KIF13A: variants seen among roughly 807,000 people sequenced by gnomAD.
KIF13A encodes the protein kinesin-like protein KIF13A.
In KIF13A, 79 loss-of-function variants were observed where a neutral mutation model predicts 212.2. The observed-to-expected ratio is 0.37, with a 90% confidence interval of 0.31 to 0.45. The LOEUF is 0.45. KIF13A is among the 20% of genes least tolerant of loss of function. The pLI, the probability that KIF13A is intolerant of heterozygous loss-of-function variation, is 1.00. For synonymous variants in KIF13A, 789 were observed against 808.6 expected, an observed-to-expected ratio of 0.98 and a Z score of 0.41; for missense variants, 1,901 against 2,209.0, an observed-to-expected ratio of 0.86 and a Z score of 2.79.
At position 17,912,774 on chromosome 6, in the gene KIF13A, G is replaced by T. The variant is rs1774187598; in HGVS notation, c.147-14594C>A. ...AATGATTTGGAAGCACTGAGAAAAG[G>T]TTACTTGTTTCTCATGGTATCCTCC... On this transcript the variant is annotated intron_variant, in intron 2 of 38. Transcript: ENST00000259711. The surrounding 1 kb of genome is among the most constrained non-coding windows in gnomAD (Gnocchi z 4.2). Among the ~76,000 whole-genome samples the T allele has an allele frequency of 6.6e-6, 1 of 152,122 alleles. No homozygotes were observed. The highest frequency in any genetic ancestry group is 2.1e-4 in the South Asian group (1 of 4,826).
intron 32 of KIF13A, among the ~76,000 whole-genome samples, chr6:17,779,372 A>G (rs1373379267): frequency 6.7e-6 from 1 of 149,058 alleles, no homozygotes; most frequent in Non-Finnish European, 1.5e-5. Context: ...CCCAGGTTCA[A>G]GCGATTCTCC....
At chr6:17,958,358 T>C (rs560120234) in intron 2 of KIF13A, among the ~76,000 whole-genome samples, 7 of 152,226 alleles carry the variant, frequency 4.6e-5, no homozygotes, top group Non-Finnish European at 1.0e-4. Context: ...TTCCTCCCAA[T>C]TGCTTTTTAA....
chr6:17,772,988 A>G lies in KIF13A; in HGVS notation c.4324+490T>C, dbSNP rs1759630649. On this transcript the variant is annotated intron_variant, in intron 36 of 38. Coordinates refer to ENST00000259711, the MANE Select transcript of KIF13A (RefSeq NM_022113.6). The surrounding 1 kb of genome is among the most constrained non-coding windows in gnomAD (Gnocchi z 4.8). ...GTATAAGGTAACAGAACCGATATAT[A>G]TGGCCAAAGAATACTGTTCCCATTA... Among the ~76,000 whole-genome samples the G allele has an allele frequency of 6.6e-6, 1 of 152,208 alleles. No homozygotes were observed.
intron 38 of KIF13A, among the ~76,000 whole-genome samples, chr6:17,766,796 A>G (rs1413576591): frequency 6.6e-6 from 1 of 152,152 alleles, no homozygotes; most frequent in Non-Finnish European, 1.5e-5. Context: ...CTTGTTCACA[A>G]ATGAACATAA....
chr6:17,767,510 C>G (rs1281626700), intron 38 of KIF13A, among the ~76,000 whole-genome samples: 1 of 152,192 alleles, frequency 6.6e-6, no homozygotes, highest in East Asian at 1.9e-4. Flanking sequence ...CCGTCTCGGG[C>G]TTCTAAAGTG....
At position 17,933,970 on chromosome 6, in the gene KIF13A, A is replaced by G. The variant is rs552384536; in HGVS notation, c.147-35790T>C. Among the ~76,000 whole-genome samples, 4 of 152,344 alleles carry G rather than the reference A, an allele frequency of 2.6e-5. No individual in the cohort carries two copies. The East Asian group carries it at 7.7e-4, about 29-fold the overall frequency. The stretch of plus-strand genomic sequence containing the variant: ...CTTTTATCTTATTACAATGCAATGT[A>G]ACTATGGAAACATAGGATTTCAAGT... On this transcript the variant is annotated intron_variant, in intron 2 of 38. Transcript: ENST00000259711.
intron 2 of KIF13A, among the ~76,000 whole-genome samples, chr6:17,922,642 T>C (rs1318554540): frequency 2.0e-5 from 3 of 150,856 alleles, no homozygotes; most frequent in Non-Finnish European, 4.4e-5. Context: ...ATGATAACCA[T>C]AAAAATCAGG....
intron 9 of KIF13A, among the ~76,000 whole-genome samples, chr6:17,844,098 G>A (rs1468970230): frequency 6.6e-6 from 1 of 151,652 alleles, no homozygotes; most frequent in East Asian, 1.9e-4. Context: ...TTGAAAGATT[G>A]ATGAAATAAG....
chr6:17,778,871 G>A (rs1198162537), intron 33 of KIF13A, 76 bp downstream of exon 33: 4 of 1,491,014 alleles, frequency 2.7e-6, no homozygotes, highest in South Asian at 1.2e-5. Flanking sequence ...GAGGTGTTTG[G>A]TAAGTAAATT....
chr6:17,940,830 T>TTA (rs1207498037), intron 2 of KIF13A, among the ~76,000 whole-genome samples: 8 of 150,680 alleles, frequency 5.3e-5, no homozygotes, highest in African/African-American at 2.0e-4. Context: ...TTTTTTTTTT[T>TTA]TTTTTTTTTT....
chr6:17,773,469 C>G lies in KIF13A; in HGVS notation c.4324+9G>C. ...AAGAAATATCACTGCAAAATAATCT[C>G]ACCACTACCTTCTTTATTCCTTCGA... On this transcript the variant is annotated intron_variant, in intron 36 of 38. Coordinates refer to ENST00000259711, the MANE Select transcript of KIF13A (RefSeq NM_022113.6). The surrounding 1 kb of genome is among the most constrained non-coding windows in gnomAD (Gnocchi z 4.2). The G allele has an allele frequency of 6.7e-7, 1 of 1,494,708 alleles. No homozygotes were observed. The highest frequency in any genetic ancestry group is 9.3e-7 in the Non-Finnish European group (1 of 1,074,206). 92.6% of individuals were successfully genotyped at this position (1,494,708 alleles called of 1,614,324 possible).
chr6:17,833,953 C>G lies in KIF13A; in HGVS notation c.1266+8G>C. ...TCCCAATATTTTAGGGCTAAATTAT[C>G]AAGCTACCTGTGCTATCTCTTCTGT... On this transcript the variant is annotated splice_region_variant and intron_variant, in intron 12 of 38. Transcript: ENST00000259711. 1 of 1,448,958 alleles carries G rather than the reference C, an allele frequency of 6.9e-7. No individual in the cohort carries two copies. The highest frequency in any genetic ancestry group is 1.3e-5 in the South Asian group (1 of 79,156). The allele number at this position is 1,448,958 out of a possible 1,614,324, so 89.8% of individuals were successfully genotyped here.
At chr6:17,962,984 T>C (rs1778974080) in intron 2 of KIF13A, among the ~76,000 whole-genome samples, 1 of 152,204 alleles carries the variant, frequency 6.6e-6, no homozygotes, top group Non-Finnish European at 1.5e-5. Flanking sequence ...CCTCCCCCAC[T>C]ACACTGTAAA....
At position 17,826,086 on chromosome 6, in the gene KIF13A, T is replaced by C. The variant is rs1174973931; in HGVS notation, c.1571A>G (p.Gln524Arg). The change falls in exon 15 of 39, where the codon CAG (glutamine) becomes CGG (arginine). Residue 524 changes from glutamine (Q) to arginine (R), a missense_variant. Transcript: ENST00000259711. This position sits in a 1 kb window ranked among gnomAD's most constrained non-coding sequence, Gnocchi z 4.7. ...TAGGATTCGGTCACCATGCCACAGC[T>C]GGGTGGTACTGCACACAAGGGTGCC... ...VNGTLVCSTTQLWHGDRILWG... is the reference protein window; with the variant it reads ...VNGTLVCSTTRLWHGDRILWG... 5 of 1,613,878 alleles carry C rather than the reference T, an allele frequency of 3.1e-6. No homozygotes were observed. Among genetic ancestry groups the C allele is most frequent in the Non-Finnish European group, 3.4e-6 (4 of 1,179,894 alleles).
At chr6:17,841,099 A>G (rs1324872872) in intron 9 of KIF13A, among the ~76,000 whole-genome samples, 2 of 147,282 alleles carry the variant, frequency 1.4e-5, no homozygotes, top group East Asian at 3.9e-4. Context: ...TTTTTTTCCA[A>G]AGACAGGGTC....
chr6:17,929,867 T>C (rs1477005763), intron 2 of KIF13A, among the ~76,000 whole-genome samples: 2 of 152,216 alleles, frequency 1.3e-5, no homozygotes, highest in Non-Finnish European at 2.9e-5. Flanking sequence ...GACCTCCTCC[T>C]GTAGCAGGAA....
intron 29 of KIF13A, among the ~76,000 whole-genome samples, chr6:17,782,916 C>T (rs1760728874): frequency 6.6e-6 from 1 of 152,140 alleles, no homozygotes; most frequent in Admixed American, 6.5e-5. Context: ...TGACAGGGAA[C>T]TCACTATCTT....
chr6:17,873,568 T>C (rs975495244), intron 3 of KIF13A, 131 bp from the exon 4 acceptor site: 2 of 641,030 alleles, frequency 3.1e-6, no homozygotes, highest in East Asian at 5.9e-5. Context: ...TCACTATAGG[T>C]TTGGTGCTTT....
At chr6:17,876,058 C>CT (rs979009755) in intron 3 of KIF13A, among the ~76,000 whole-genome samples, 2 of 152,094 alleles carry the variant, frequency 1.3e-5, no homozygotes, top group Non-Finnish European at 2.9e-5. Flanking sequence ...TGAGGAGACC[C>CT]TTTTTGGACT....
Sources: allele counts gnomAD v4.1 joint callset (sites outside exome capture counted in the v4.1 genomes callset), GRCh38; gene constraint gnomAD v4.1.1; non-coding constraint Gnocchi (gnomAD v3.1); transcripts MANE v1.5; gene names NCBI Gene and HGNC (gene_info 2026-07-23, HGNC 2026-07-21).